The following FREM1 variants were observed in gnomAD, a reference collection of about 807,000 sequenced individuals.
The protein encoded by FREM1 is FRAS1 related extracellular matrix 1.
In FREM1, 220 loss-of-function variants were observed where a neutral mutation model predicts 210.1. That is an observed-to-expected ratio of 1.05 (90% CI 0.94 to 1.17). The LOEUF (loss-of-function observed/expected upper bound fraction) is 1.17, where lower values mean the gene tolerates loss of function less well. Ranked by LOEUF, FREM1 falls within the 50% of genes most tolerant of loss-of-function variation. The pLI is 0.00. For synonymous variants in FREM1, 1,189 were observed against 980.2 expected (o/e 1.21, Z -3.98); for missense variants, 3,454 against 2,675.5 (o/e 1.29, Z -6.42).
At chr9:14,856,760 G>A (rs572232061) in intron 5 of FREM1, among the ~76,000 whole-genome samples, 4 of 151,034 alleles carry the variant, frequency 2.6e-5, no homozygotes, top group African/African-American at 9.8e-5. Context: ...ATGAACTTGG[G>A]AGGCAGAGCT....
Position 14,785,403 on chromosome 9 carries a change from C to T in FREM1, c.4178-769G>A, listed in dbSNP as rs77502182. ...TTTTCTGGAGAACGTAGGAAGATGTCTATTGTTAATATTCCAGTCCTTCAA... is the reference window on the plus strand; with the variant it reads ...TTTTCTGGAGAACGTAGGAAGATGTTTATTGTTAATATTCCAGTCCTTCAA... On this transcript the variant is annotated intron_variant, in intron 23 of 36. Transcript: ENST00000380880. Among the ~76,000 whole-genome samples, 30 of 152,300 alleles carry T rather than the reference C, an allele frequency of 2.0e-4. No homozygotes were observed. The East Asian group carries it at 4.8e-3, about 24-fold the overall frequency.
chr9:14,889,990 A>T (rs1564179384), intron 1 of FREM1, among the ~76,000 whole-genome samples: 1 of 152,172 alleles, frequency 6.6e-6, no homozygotes, highest in Non-Finnish European at 1.5e-5. Flanking sequence ...GAAAGTGAGC[A>T]AGACCTGCCT....
intron 29 of FREM1, 68 bp from the exon 30 acceptor site, chr9:14,750,344 TATTA>T (rs1315250405): frequency 3.9e-6 from 5 of 1,274,450 alleles, no homozygotes; most frequent in Admixed American, 2.0e-5. Flanking sequence ...CAGAGAAATA[TATTA>T]ATTAACATGT....
chr9:14,880,552 C>T (rs1374099119), intron 1 of FREM1, among the ~76,000 whole-genome samples: 2 of 147,006 alleles, frequency 1.4e-5, no homozygotes, highest in Admixed American at 6.9e-5. Flanking sequence ...TGCAGTGGGC[C>T]GAGATCGTGC....
chr9:14,840,465 C>T (rs1028445626), intron 10 of FREM1, among the ~76,000 whole-genome samples: 5 of 152,168 alleles, frequency 3.3e-5, no homozygotes, highest in Non-Finnish European at 2.9e-5. Context: ...GATCAAGTCT[C>T]GTCTTACATG....
chr9:14,839,488 G>A (rs551569845), intron 10 of FREM1, among the ~76,000 whole-genome samples: 1 of 151,530 alleles, frequency 6.6e-6, no homozygotes, highest in Non-Finnish European at 1.5e-5. Flanking sequence ...ATCTCCCTCT[G>A]TCCCCTTCTC....
At chr9:14,800,973 G>A (rs1038780600) in intron 20 of FREM1, among the ~76,000 whole-genome samples, 1 of 152,046 alleles carries the variant, frequency 6.6e-6, no homozygotes, top group Non-Finnish European at 1.5e-5. Context: ...TATACATTGT[G>A]AAATGGGTTT....
chr9:14,784,556 G>A lies in FREM1; in HGVS notation c.4256C>T (p.Ala1419Val). 1 of 1,613,230 alleles carries A rather than the reference G, an allele frequency of 6.2e-7. No homozygotes were observed. Among genetic ancestry groups the A allele is most frequent in the Non-Finnish European group, 8.5e-7 (1 of 1,179,560 alleles). ...RGFLTTTTLL[A>V]VDGTDKPEEL... Reference sequence around the variant, plus strand: ...CTCAGGCTTGTCTGTTCCGTCCACAGCCAGGAGCGTGGTGGTTGTTAAGAA... The same window carrying A: ...CTCAGGCTTGTCTGTTCCGTCCACAACCAGGAGCGTGGTGGTTGTTAAGAA... Residue 1419 changes from alanine (A) to valine (V), a missense_variant, in exon 24 of 37, where the codon GCT (alanine) becomes GTT (valine). Physicochemically the swap from Ala to Val is moderately conservative, Grantham distance 64. Transcript: ENST00000380880.
At position 14,759,799 on chromosome 9, in the gene FREM1, G is replaced by A; in HGVS notation, c.5307C>T (p.Ser1769=). 6.2e-7 allele frequency: 1 copy of A among 1,610,668 alleles called. No homozygotes were observed. Among genetic ancestry groups the A allele is most frequent in the Non-Finnish European group, 8.5e-7 (1 of 1,178,082 alleles). ...LPLEIIRRGY[S]MDSAFVGIKV... ...TTATACCCACAAAGGCCGAGTCCAT[G>A]GAATATCCCCTTCTGATAATTTCCA... Residue 1769 remains serine, a synonymous_variant, in exon 28 of 37, where the codon TCC becomes TCT. Transcript: ENST00000380880.
At chr9:14,760,676 A>T (rs1019800760) in intron 27 of FREM1, among the ~76,000 whole-genome samples, 3 of 152,182 alleles carry the variant, frequency 2.0e-5, no homozygotes, top group African/African-American at 7.2e-5. Context: ...TTAAAGGCAA[A>T]AAGTCATGAC....
chr9:14,753,726 C>T (rs1843779855), intron 29 of FREM1, among the ~76,000 whole-genome samples: 1 of 152,056 alleles, frequency 6.6e-6, no homozygotes, highest in Admixed American at 6.6e-5. Context: ...CCAGAAGAGG[C>T]AAGGATTAAC....
intron 5 of FREM1, among the ~76,000 whole-genome samples, chr9:14,854,916 G>C (rs967792842): frequency 2.6e-5 from 4 of 152,116 alleles, no homozygotes; most frequent in Admixed American, 2.6e-4. Flanking sequence ...AAGAACCTTT[G>C]TTCAATAAAG....
At chr9:14,871,196 T>C (rs1832609311) in intron 1 of FREM1, among the ~76,000 whole-genome samples, 1 of 152,158 alleles carries the variant, frequency 6.6e-6, no homozygotes. Context: ...GGTCAAATGG[T>C]ATTTCTAGTT....
intron 24 of FREM1, among the ~76,000 whole-genome samples, chr9:14,778,854 G>A (rs1164982806): frequency 1.3e-5 from 2 of 151,680 alleles, no homozygotes; most frequent in Non-Finnish European, 2.9e-5. Context: ...ACCAGCCTGG[G>A]CAACATGGCA....
chr9:14,770,772 G>T lies in FREM1; in HGVS notation c.4892C>A (p.Thr1631Lys). Residue 1631 changes from threonine to lysine, a missense_variant, in exon 26 of 37, where the codon ACA becomes AAA. By Grantham distance (78) the Thr-to-Lys change is moderately conservative (BLOSUM62 -1). Coordinates refer to ENST00000380880, the MANE Select transcript of FREM1 (RefSeq NM_001379081.2). ...CACTTGAGAAGGGGAATGCAAGAGT[G>T]TGATACGAGGAGCTGTTTTGTCCAA... The part of the protein sequence containing the change: ...DQLDKTAPRI[T>K]LLHSPSQVGL... 6.2e-7 allele frequency: 1 copy of T among 1,613,156 alleles called. No homozygotes were observed. The highest frequency in any genetic ancestry group is 8.5e-7 in the Non-Finnish European group (1 of 1,179,486).
chr9:14,860,761 GCACATATATA>G (rs1829857780), intron 3 of FREM1, among the ~76,000 whole-genome samples: 2 of 67,016 alleles, frequency 3.0e-5, no homozygotes, highest in Admixed American at 1.6e-4. Context: ...ACATATATAT[GCACATATATA>G]CACATATATA....
chr9:14,738,804 G>C (rs1587602291), intron 36 of FREM1, among the ~76,000 whole-genome samples: 1 of 151,976 alleles, frequency 6.6e-6, no homozygotes, highest in Non-Finnish European at 1.5e-5. Flanking sequence ...GAGGTCAGGA[G>C]TTCGAGACCA....
rs1847396085 is a variant in FREM1 at position 14,770,709 on chromosome 9, G to C, written c.4955C>G (p.Thr1652Ser). Residue 1652 changes from threonine (T) to serine (S), a missense_variant, in exon 26 of 37, where the codon ACT becomes AGT. Coordinates refer to ENST00000380880, the MANE Select transcript of FREM1 (RefSeq NM_001379081.2). ...LKNGCYGIYITSRVLKASDPD... is the reference protein window; with the variant it reads ...LKNGCYGIYISSRVLKASDPD... Reference sequence around the variant, plus strand: ...GTCTGATGCCTTCAACACGCGGGAAGTGATGTAAATCCCGTAGCAGCCATT... The same window carrying C: ...GTCTGATGCCTTCAACACGCGGGAACTGATGTAAATCCCGTAGCAGCCATT... 6.2e-7 allele frequency: 1 copy of C among 1,613,096 alleles called. No individual in the cohort carries two copies. The highest frequency in any genetic ancestry group is 8.5e-7 in the Non-Finnish European group (1 of 1,179,176).
intron 2 of FREM1, among the ~76,000 whole-genome samples, 165 bp from the exon 3 acceptor site, chr9:14,864,068 C>G (rs558372907): frequency 1.9e-4 from 29 of 152,238 alleles, no homozygotes; most frequent in African/African-American, 7.0e-4. Flanking sequence ...TACCCCCATA[C>G]CCAGTCACCA....
Sources: allele counts gnomAD v4.1 joint callset (sites outside exome capture counted in the v4.1 genomes callset), GRCh38; gene constraint gnomAD v4.1.1; transcripts MANE v1.5; gene names NCBI Gene and HGNC (gene_info 2026-07-23, HGNC 2026-07-21).